Variants in KLHL20 observed in about 807,000 individuals in gnomAD.
The protein encoded by KLHL20 is kelch like family member 20, also known as kelch-like protein 20.
Under a neutral mutation model 69.5 loss-of-function variants are expected in KLHL20, and 29 were observed. The observed-to-expected ratio is 0.42, with a 90% CI of 0.31 to 0.57. The LOEUF is 0.57. Ranked by LOEUF, KLHL20 falls within the 20% of genes least tolerant of loss-of-function variation. KLHL20 has a pLI of 0.18. For synonymous variants in KLHL20, 253 were observed against 265.2 expected, an observed-to-expected ratio of 0.95 and a Z score of 0.45; for missense variants, 419 against 776.0, an observed-to-expected ratio of 0.54 and a Z score of 5.47.
In KLHL20 at chr1:173,736,003, G is replaced by A. The variant is rs150601624; in HGVS notation, c.597+1717G>A. 2.0e-4 allele frequency among the ~76,000 whole-genome samples: 28 copies of A among 142,244 alleles called. 1 individual carries two copies. Among genetic ancestry groups the A allele is most frequent in the African/African-American group, 6.4e-4 (25 of 38,822 alleles). The allele number at this position is 142,244 out of a possible 152,430, so 93.3% of individuals were successfully genotyped here. On this transcript the variant is annotated intron_variant, in intron 3 of 11. Coordinates refer to ENST00000209884, the MANE Select transcript of KLHL20 (RefSeq NM_014458.4). ...TCTGTTGCCCACGCTGGAGTGCAAC[G>A]GGGCTCAATCTCAGCTCACTGCAAC...
rs765497268 is a variant in KLHL20 at position 173,774,344 on chromosome 1, T to C, written c.1335T>C (p.Ser445=). 3.1e-6 allele frequency: 5 copies of C among 1,614,152 alleles called. No homozygotes were observed. The South Asian group carries it at 5.5e-5, about 18-fold the overall frequency. ...AGAACAAGTGGACTCGGGTAGCTTC[T>C]ATGAGTACCAGAAGACTAGGTGTGG... ...PKENKWTRVA[S]MSTRRLGVAV... is the part of the protein sequence containing the mutation. Residue 445 remains serine (S), a synonymous_variant, in exon 9 of 12, where the codon TCT becomes TCC. Coordinates refer to ENST00000209884, the MANE Select transcript of KLHL20 (RefSeq NM_014458.4).
intron 2 of KLHL20, among the ~76,000 whole-genome samples, chr1:173,721,515 T>C (rs1353672496): frequency 6.6e-6 from 1 of 152,120 alleles, no homozygotes; most frequent in Non-Finnish European, 1.5e-5. Context: ...GCAGTAGTTG[T>C]TGAGGGGTAT....
chr1:173,745,372 A>G (rs918775244), intron 3 of KLHL20, among the ~76,000 whole-genome samples: 2 of 151,860 alleles, frequency 1.3e-5, no homozygotes, highest in African/African-American at 4.8e-5. Context: ...CATGTTGGCC[A>G]GGCTGGTCTC....
intron 3 of KLHL20, among the ~76,000 whole-genome samples, chr1:173,740,940 T>A (rs1480196073): frequency 6.6e-6 from 1 of 152,198 alleles, no homozygotes; most frequent in Admixed American, 6.5e-5. Context: ...CAAGGACCCC[T>A]GTGAGATAAA....
intron 7 of KLHL20, among the ~76,000 whole-genome samples, chr1:173,761,257 A>G (rs2102512994): frequency 6.6e-6 from 1 of 152,360 alleles, no homozygotes; most frequent in Admixed American, 6.5e-5. Context: ...TAGACCCAAG[A>G]AATGAGATAG....
chr1:173,770,691 AAG>A (rs748765060), intron 8 of KLHL20, among the ~76,000 whole-genome samples: 2 of 151,834 alleles, frequency 1.3e-5, no homozygotes, highest in African/African-American at 4.9e-5. Context: ...AAAAAAAAAA[AAG>A]AGAGAGGAAA....
intron 2 of KLHL20, among the ~76,000 whole-genome samples, chr1:173,726,053 C>T (rs1671942969): frequency 6.6e-6 from 1 of 152,130 alleles, no homozygotes; most frequent in Non-Finnish European, 1.5e-5. Flanking sequence ...TACCTTAATA[C>T]TGCGCTTTTC....
chr1:173,765,562 C>T (rs776711487), intron 7 of KLHL20, among the ~76,000 whole-genome samples: 2 of 151,486 alleles, frequency 1.3e-5, no homozygotes, highest in African/African-American at 2.4e-5. Context: ...CACCCATTTG[C>T]ACAAAGAGAA....
chr1:173,720,390 G>C (rs1671663384), intron 2 of KLHL20, among the ~76,000 whole-genome samples: 1 of 152,036 alleles, frequency 6.6e-6, no homozygotes, highest in Non-Finnish European at 1.5e-5. Flanking sequence ...GCATGGAACA[G>C]TGAGTATATG....
intron 3 of KLHL20, among the ~76,000 whole-genome samples, chr1:173,734,971 A>G (rs551984685): frequency 1.6e-4 from 25 of 152,352 alleles, no homozygotes; most frequent in African/African-American, 6.0e-4. Flanking sequence ...ATTACAGAGA[A>G]ATTTAACTTT....
At chr1:173,776,103 C>G (rs1001609885) in intron 10 of KLHL20, among the ~76,000 whole-genome samples, 1 of 152,154 alleles carries the variant, frequency 6.6e-6, no homozygotes, top group Non-Finnish European at 1.5e-5. Flanking sequence ...ATCGTTATGG[C>G]CTGACTTTTG....
intron 9 of KLHL20, 129 bp downstream of exon 9, chr1:173,774,567 C>G: frequency 1.1e-6 from 1 of 896,012 alleles, no homozygotes; most frequent in Non-Finnish European, 1.7e-6. Flanking sequence ...TTTTTCCCTC[C>G]AGCAGAGTGC....
chr1:173,774,331 CTCGG>C lies in KLHL20; in HGVS notation c.1323_1326del (p.Arg442Ter). 1 of 1,614,122 alleles carries C rather than the reference CTCGG, an allele frequency of 6.2e-7. No individual in the cohort carries two copies. Among genetic ancestry groups the C allele is most frequent in the Non-Finnish European group, 8.5e-7 (1 of 1,180,024 alleles). ...TATGATCCGAAGGAGAACAAGTGGA[CTCGG>C]GTAGCTTCTATGAGTACCAGAAGAC... On this transcript the variant is annotated frameshift_variant, in exon 9 of 12. Transcript: ENST00000209884. LOFTEE classifies it high-confidence loss of function.
At chr1:173,728,065 G>A (rs1353100880) in intron 2 of KLHL20, among the ~76,000 whole-genome samples, 4 of 152,138 alleles carry the variant, frequency 2.6e-5, no homozygotes, top group Non-Finnish European at 5.9e-5. Flanking sequence ...GATCTACCAA[G>A]CAAATGGAAA....
intron 3 of KLHL20, among the ~76,000 whole-genome samples, chr1:173,739,827 G>C (rs182609443): frequency 6.6e-6 from 1 of 151,470 alleles, no homozygotes; most frequent in African/African-American, 2.4e-5. Flanking sequence ...TTTTAGTAGA[G>C]ACAGGGTTTC....
At chr1:173,770,339 A>T (rs2102526333) in intron 8 of KLHL20, among the ~76,000 whole-genome samples, 1 of 152,356 alleles carries the variant, frequency 6.6e-6, no homozygotes, top group African/African-American at 2.4e-5. Flanking sequence ...ATTAAAGGAT[A>T]ATAAGCAAAA....
intron 8 of KLHL20, among the ~76,000 whole-genome samples, chr1:173,767,219 C>T (rs191648850): frequency 2.2e-4 from 34 of 152,280 alleles, no homozygotes; most frequent in Middle Eastern, 3.4e-3. Flanking sequence ...TCGAAAATGT[C>T]AGGATTTCCT....
intron 4 of KLHL20, among the ~76,000 whole-genome samples, chr1:173,752,383 C>T (rs1244134202): frequency 6.6e-6 from 1 of 152,180 alleles, no homozygotes; most frequent in Non-Finnish European, 1.5e-5. Flanking sequence ...ATTTTGGTTG[C>T]TTATTAATGT....
Position 173,766,303 on chromosome 1 carries a change from T to C in KLHL20, c.1295+14T>C. The C allele has an allele frequency of 6.4e-7, 1 of 1,568,782 alleles. No homozygotes were observed. Reference sequence around the variant, plus strand: ...CATTGTTGAGAGGTGATCTTTTTTTTAAGTCATTTTCCGTATTTTTATTTT... The same window carrying C: ...CATTGTTGAGAGGTGATCTTTTTTTCAAGTCATTTTCCGTATTTTTATTTT... On this transcript the variant is annotated intron_variant, in intron 8 of 11. Transcript: ENST00000209884.
Sources: gnomAD v4.1 joint callset for allele counts (sites outside exome capture counted in the v4.1 genomes callset) on GRCh38, gnomAD v4.1.1 for gene constraint, MANE v1.5 for transcripts, NCBI Gene and HGNC (gene_info 2026-07-23, HGNC 2026-07-21) for gene names.